The following PDE4D variants were observed in gnomAD, a reference collection of about 807,000 sequenced individuals.
The protein encoded by PDE4D is phosphodiesterase 4D, also known as 3',5'-cyclic-AMP phosphodiesterase 4D.
A neutral mutation model predicts 87.4 loss-of-function variants in PDE4D; 24 were observed. That is an observed-to-expected ratio of 0.27 (90% CI 0.20 to 0.39). PDE4D has a LOEUF of 0.39. PDE4D is among the 10% of genes least tolerant of loss of function. The pLI, the probability that PDE4D is intolerant of heterozygous loss-of-function variation, is 1.00. For synonymous variants in PDE4D, 384 were observed against 383.2 expected, an observed-to-expected ratio of 1.00 and a Z score of -0.02; for missense variants, 714 against 1,041.0, an observed-to-expected ratio of 0.69 and a Z score of 4.32.
At chr5:59,000,524 T>C (rs1189971716) in intron 6 of PDE4D, among the ~76,000 whole-genome samples, 3 of 152,114 alleles carry the variant, frequency 2.0e-5, no homozygotes, top group African/African-American at 4.8e-5. Context: ...GCTCCTTTTG[T>C]TTCTATTGTT....
chr5:59,954,509 AAG>A (rs1464437694), intron 3 of PDE4D, among the ~76,000 whole-genome samples: 6 of 152,158 alleles, frequency 3.9e-5, no homozygotes, highest in Non-Finnish European at 8.8e-5. Context: ...GTAGGGAAAA[AAG>A]CCGGGAAGAT....
At chr5:60,090,017 G>A (rs1774962673) in intron 2 of PDE4D, among the ~76,000 whole-genome samples, 2 of 152,008 alleles carry the variant, frequency 1.3e-5, no homozygotes. Context: ...TGAGACTGCA[G>A]TAGTAATAAA....
intron 1 of PDE4D, among the ~76,000 whole-genome samples, chr5:59,627,882 C>T (rs1048236088): frequency 4.6e-5 from 7 of 152,134 alleles, no homozygotes; most frequent in African/African-American, 9.7e-5. Context: ...TGAGCCCACA[C>T]GTGACACCTG....
intron 2 of PDE4D, among the ~76,000 whole-genome samples, chr5:60,020,260 A>T (rs1765912638): frequency 1.3e-5 from 2 of 152,176 alleles, no homozygotes; most frequent in Non-Finnish European, 2.9e-5. Context: ...AACAAAGATC[A>T]TTGGTCACAC....
At chr5:58,999,553 G>GTATATA (rs35776313) in intron 6 of PDE4D, 257 of 1,064,358 alleles carry the variant, frequency 2.4e-4, no homozygotes, top group African/African-American at 2.3e-3. Flanking sequence ...TTGATTATAT[G>GTATATA]TATATATATA....
At chr5:60,176,180 T>C (rs914905476) in intron 2 of PDE4D, among the ~76,000 whole-genome samples, 1 of 152,156 alleles carries the variant, frequency 6.6e-6, no homozygotes, top group African/African-American at 2.4e-5. Flanking sequence ...TACTCAGCCT[T>C]AGCAATTCAT....
chr5:59,850,078 G>T (rs570424415), intron 1 of PDE4D, among the ~76,000 whole-genome samples: 2 of 152,090 alleles, frequency 1.3e-5, no homozygotes, highest in South Asian at 4.1e-4. Flanking sequence ...CCAGCAGTTT[G>T]ACATATCCAA....
intron 1 of PDE4D, among the ~76,000 whole-genome samples, chr5:59,581,417 A>C (rs1824132965): frequency 6.6e-6 from 1 of 152,240 alleles, no homozygotes; most frequent in South Asian, 2.1e-4. Context: ...AGCAAAAAGG[A>C]GTGGAAAGTG....
At chr5:60,402,314 C>A (rs1583639570) in intron 1 of PDE4D, among the ~76,000 whole-genome samples, 1 of 152,192 alleles carries the variant, frequency 6.6e-6, no homozygotes, top group Non-Finnish European at 1.5e-5. Context: ...TCAAATCTCA[C>A]CTCTACTTCT....
rs530186153 is a variant in PDE4D, at chr5:59,814,048, G to A, written c.455+79120C>T. Reference sequence around the variant, plus strand: ...AGGAAGACGAGATAATTTAGCGATTGCGCTTAGAAAAATAAGTAAATAAAT... The same window carrying A: ...AGGAAGACGAGATAATTTAGCGATTACGCTTAGAAAAATAAGTAAATAAAT... On this transcript the variant is annotated intron_variant, in intron 1 of 14. Transcript: ENST00000340635. Among the ~76,000 whole-genome samples the A allele has an allele frequency of 2.6e-5, 4 of 152,280 alleles. No individual in the cohort carries two copies. The South Asian group carries it at 6.2e-4, about 24-fold the overall frequency.
chr5:60,043,657 CTT>C (rs70975361), intron 2 of PDE4D, among the ~76,000 whole-genome samples: 58 of 141,912 alleles, frequency 4.1e-4, no homozygotes, highest in South Asian at 2.7e-3. Flanking sequence ...AAGGAATTTT[CTT>C]TTTTTTTTTT....
At chr5:59,991,853 A>G (rs1003432496) in intron 2 of PDE4D, among the ~76,000 whole-genome samples, 2 of 152,206 alleles carry the variant, frequency 1.3e-5, no homozygotes, top group Non-Finnish European at 2.9e-5. Context: ...GTGATGGTTA[A>G]TACTGAGTGT....
rs111337104 is a variant in PDE4D at position 60,207,195 on chromosome 5, T to C, written c.-89-21508A>G. On this transcript the variant is annotated intron_variant, in intron 1 of 16. Transcript: ENST00000502484. ...TGCCTAACGCAGGAGGGGTGGCTAA[T>C]AAGGAGGAAGGAAGAAAAGAAGAAG... 7.8e-3 allele frequency among the ~76,000 whole-genome samples: 1,186 copies of C among 152,058 alleles called. 17 individuals carry two copies. The highest frequency in any genetic ancestry group is 0.027 in the African/African-American group (1,137 of 41,452).
chr5:59,488,184 A>C (rs896129768), intron 1 of PDE4D, among the ~76,000 whole-genome samples: 1 of 144,366 alleles, frequency 6.9e-6, no homozygotes, highest in East Asian at 1.9e-4. Flanking sequence ...AAAAAAAAAA[A>C]AAAATGTGTA....
chr5:60,507,650 A>T (rs1218009740), intron 1 of PDE4D, among the ~76,000 whole-genome samples: 2 of 148,602 alleles, frequency 1.3e-5, no homozygotes, highest in African/African-American at 2.5e-5. Context: ...TTCTTTATTT[A>T]AAAAAAAAAA....
intron 5 of PDE4D, among the ~76,000 whole-genome samples, chr5:59,109,508 T>C (rs989798218): frequency 6.6e-6 from 1 of 152,188 alleles, no homozygotes; most frequent in African/African-American, 2.4e-5. Flanking sequence ...ACATTTCTGA[T>C]CTGCCAAGGG....
intron 1 of PDE4D, among the ~76,000 whole-genome samples, chr5:59,840,939 C>A (rs1423798959): frequency 6.6e-6 from 1 of 152,030 alleles, no homozygotes; most frequent in African/African-American, 2.4e-5. Flanking sequence ...TAATTCTTCA[C>A]TCAATGAAAG....
intron 1 of PDE4D, among the ~76,000 whole-genome samples, chr5:59,867,994 A>G (rs1179361563): frequency 1.3e-5 from 2 of 152,160 alleles, no homozygotes; most frequent in South Asian, 4.1e-4. Context: ...GTGTGCTTGT[A>G]TCATCGAGTC....
At chr5:59,862,619 G>A (rs886852483) in intron 1 of PDE4D, among the ~76,000 whole-genome samples, 10 of 152,198 alleles carry the variant, frequency 6.6e-5, no homozygotes, top group African/African-American at 2.4e-4. Context: ...ACCTATCACA[G>A]CGTAGTTTTG....
Sources: gnomAD v4.1 joint callset for allele counts (sites outside exome capture counted in the v4.1 genomes callset) on GRCh38, gnomAD v4.1.1 for gene constraint, MANE v1.5 for transcripts, NCBI Gene and HGNC (gene_info 2026-07-23, HGNC 2026-07-21) for gene names.